Variants in ISM1 observed in about 807,000 individuals in gnomAD.
ISM1 encodes isthmin-1.
Under a neutral mutation model 46.3 loss-of-function variants are expected in ISM1, and 25 were observed. That is an observed-to-expected ratio of 0.54 (90% CI 0.39 to 0.75). The LOEUF (loss-of-function observed/expected upper bound fraction) is 0.75, where lower values mean the gene tolerates loss of function less well. Ranked by LOEUF, ISM1 falls within the 30% of genes least tolerant of loss-of-function variation. ISM1 has a pLI of 0.00. For missense variants in ISM1, 536 were observed against 625.4 expected (o/e 0.86, Z 1.52); for synonymous variants, 255 against 256.7 (o/e 0.99, Z 0.06).
At chr20:13,257,276 A>G (rs566775846) in intron 1 of ISM1, among the ~76,000 whole-genome samples, 1 of 152,286 alleles carries the variant, frequency 6.6e-6, no homozygotes, top group East Asian at 1.9e-4. Flanking sequence ...GCATTTTGGG[A>G]GACCAAAGTG....
At position 13,289,946 on chromosome 20, in the gene ISM1, A is replaced by G. The variant is rs371772573; in HGVS notation, c.787+1263A>G. ...ACCCCAGACTTCCTTTTTCTACCTT[A>G]GACACTCAGTTCTCCAACCAGAGAC... is the stretch of plus-strand genomic sequence containing the variant. On this transcript the variant is annotated intron_variant, in intron 4 of 5. Coordinates refer to ENST00000262487, the MANE Select transcript of ISM1 (RefSeq NM_080826.2). Among the ~76,000 whole-genome samples, 50 of 152,312 alleles carry G rather than the reference A, an allele frequency of 3.3e-4. 1 individual carries two copies. The East Asian group carries it at 8.5e-3, about 26-fold the overall frequency.
chr20:13,317,546 A>G, the ISM1 span, among the ~76,000 whole-genome samples: 10 of 152,122 alleles, frequency 6.6e-5, no homozygotes, highest in Non-Finnish European at 1.0e-4. Flanking sequence ...AAGACATAAT[A>G]TAAAGCTACA....
chr20:13,230,115 C>T (rs1350251958), intron 1 of ISM1, among the ~76,000 whole-genome samples: 1 of 152,170 alleles, frequency 6.6e-6, no homozygotes, highest in Non-Finnish European at 1.5e-5. Context: ...CCTCAGATGT[C>T]TATTCATTTG....
chr20:13,253,477 T>G (rs8116153), intron 1 of ISM1, among the ~76,000 whole-genome samples: 10,974 of 152,194 alleles, frequency 0.072, 499 homozygotes, highest in Middle Eastern at 0.14. Context: ...CATCTCCCAT[T>G]GCCAAAGTAC....
At chr20:13,228,793 T>A (rs776042526) in intron 1 of ISM1, among the ~76,000 whole-genome samples, 41 of 152,238 alleles carry the variant, frequency 2.7e-4, no homozygotes, top group Admixed American at 5.2e-4. Flanking sequence ...ACATTGAGAT[T>A]TCAAGATCTA....
chr20:13,299,628 G>C lies in ISM1; in HGVS notation c.*169G>C, dbSNP rs781456061. 91 of 688,552 alleles carry C rather than the reference G, an allele frequency of 1.3e-4. No individual in the cohort carries two copies. The highest frequency in any genetic ancestry group is 2.0e-4 in the Non-Finnish European group (84 of 430,152). 42.7% of individuals were successfully genotyped at this position (688,552 alleles called of 1,614,324 possible). ...CTAGGGGCGTGTGCCACGCCCAGGG[G>C]ACTGCCTTGTGAAGCCGCCCTCGCC... On this transcript the variant is annotated 3_prime_UTR_variant, in exon 6 of 6. Coordinates refer to ENST00000262487, the MANE Select transcript of ISM1 (RefSeq NM_080826.2). The surrounding 1 kb of genome is among the most constrained non-coding windows in gnomAD (Gnocchi z 5.8).
chr20:13,249,186 G>A (rs1380316172), intron 1 of ISM1, among the ~76,000 whole-genome samples: 4 of 152,142 alleles, frequency 2.6e-5, no homozygotes, highest in African/African-American at 7.2e-5. Context: ...CAAATCTCAC[G>A]GGAATCAGGG....
chr20:13,311,243 TGATAGATAGATA>T, the ISM1 span, among the ~76,000 whole-genome samples: 41 of 127,920 alleles, frequency 3.2e-4, no homozygotes, highest in Admixed American at 4.8e-4. Flanking sequence ...GATAGATAGA[TGATAGATAGATA>T]GATAGATAGA....
chr20:13,299,606 G>A lies in ISM1; in HGVS notation c.*147G>A. 2.5e-6 allele frequency: 2 copies of A among 803,334 alleles called. No individual in the cohort carries two copies. Among genetic ancestry groups the A allele is most frequent in the Non-Finnish European group, 3.9e-6 (2 of 519,040 alleles). The allele number at this position is 803,334 out of a possible 1,614,324, so 49.8% of individuals were successfully genotyped here. ...TGAGTATTTCTCATACATTACGCTA[G>A]GGGCGTGTGCCACGCCCAGGGGACT... On this transcript the variant is annotated 3_prime_UTR_variant, in exon 6 of 6. Coordinates refer to ENST00000262487, the MANE Select transcript of ISM1 (RefSeq NM_080826.2). This position sits in a 1 kb window ranked among gnomAD's most constrained non-coding sequence, Gnocchi z 5.8.
At chr20:13,308,899 T>A in the ISM1 span, among the ~76,000 whole-genome samples, 461 of 152,004 alleles carry the variant, frequency 3.0e-3, 4 homozygotes, top group Non-Finnish European at 4.9e-3. Context: ...CTTTCCACCA[T>A]GTAAGCACAA....
intron 1 of ISM1, among the ~76,000 whole-genome samples, chr20:13,226,595 C>G (rs1434885028): frequency 2.0e-5 from 3 of 152,170 alleles, no homozygotes; most frequent in Non-Finnish European, 4.4e-5. Flanking sequence ...ACTCATGTAG[C>G]TGTGGCCATC....
intron 1 of ISM1, among the ~76,000 whole-genome samples, chr20:13,247,765 C>T (rs968747845): frequency 6.6e-6 from 1 of 152,078 alleles, no homozygotes; most frequent in African/African-American, 2.4e-5. Flanking sequence ...TGACTTACAG[C>T]CCCTGAGGCT....
rs1348718194 is a variant in ISM1, at chr20:13,299,303, G to T, written c.1239G>T (p.Glu413Asp). Residue 413 changes from glutamate (E) to aspartate (D), a missense_variant, in exon 6 of 6, where the codon GAG (glutamate) becomes GAT (aspartate). Glu to Asp is a conservative substitution (Grantham distance 45). This residue lies in a region of ISM1 where 169 missense variants were observed against 249.3 expected (regional missense o/e 0.68). Coordinates refer to ENST00000262487, the MANE Select transcript of ISM1 (RefSeq NM_080826.2). This position sits in a 1 kb window ranked among gnomAD's most constrained non-coding sequence, Gnocchi z 5.8. ...PNLISTEFSA[E>D]LHYKVDVLPW... ...TCATCAGCACCGAGTTCTCCGCGGAGCTCCACTACAAGGTGGACGTCCTGC... is the reference window on the plus strand; with the variant it reads ...TCATCAGCACCGAGTTCTCCGCGGATCTCCACTACAAGGTGGACGTCCTGC... 6.2e-7 allele frequency: 1 copy of T among 1,613,656 alleles called. No homozygotes were observed. Among genetic ancestry groups the T allele is most frequent in the South Asian group, 1.1e-5 (1 of 91,046 alleles).
intron 5 of ISM1, among the ~76,000 whole-genome samples, chr20:13,293,207 CAAAAAAAAA>C (rs397865981): frequency 2.3e-5 from 2 of 87,450 alleles, no homozygotes; most frequent in Non-Finnish European, 4.8e-5. Flanking sequence ...GACTCCGTCT[CAAAAAAAAA>C]AAAAAAAAAG....
At chr20:13,263,819 T>A (rs1049704310) in intron 1 of ISM1, among the ~76,000 whole-genome samples, 1 of 152,222 alleles carries the variant, frequency 6.6e-6, no homozygotes. Flanking sequence ...ATATTGCTAA[T>A]TAACTATATT....
In ISM1 at chr20:13,236,616, C is replaced by T. The variant is rs151170002; in HGVS notation, c.138+14702C>T. ...TCTGAGACAAGGCAAGTACCTTCTG[C>T]CTATGAGCCTGTAAAATCAAAAGCA... is the stretch of plus-strand genomic sequence containing the variant. On this transcript the variant is annotated intron_variant, in intron 1 of 5. Transcript: ENST00000262487. Among the ~76,000 whole-genome samples, 3 of 152,270 alleles carry T rather than the reference C, an allele frequency of 2.0e-5. No individual in the cohort carries two copies. The East Asian group carries it at 5.8e-4, about 29-fold the overall frequency.
chr20:13,273,285 G>A (rs1025177996), intron 2 of ISM1, among the ~76,000 whole-genome samples: 5 of 137,150 alleles, frequency 3.6e-5, no homozygotes, highest in Non-Finnish European at 7.7e-5. Flanking sequence ...CCTATGCTAC[G>A]GTACAGTTGT....
chr20:13,279,721 C>G lies in ISM1; in HGVS notation c.466C>G (p.Pro156Ala), dbSNP rs2040217218. ...TAAGCCCAGCTGGTCAGTCCCATCCCCCGACTGGCGGGCCTGGTGGCAGAG... is the reference window on the plus strand; with the variant it reads ...TAAGCCCAGCTGGTCAGTCCCATCCGCCGACTGGCGGGCCTGGTGGCAGAG... ...ENKPSWSVPS[P>A]DWRAWWQRSL... Residue 156 changes from proline to alanine, a missense_variant, in exon 3 of 6, where the codon CCC (proline) becomes GCC (alanine). Around this residue, in one of 2 missense-constraint regions of ISM1, gnomAD observed 367 missense variants for 376.1 expected, o/e 0.98. Coordinates refer to ENST00000262487, the MANE Select transcript of ISM1 (RefSeq NM_080826.2). 3 of 1,613,902 alleles carry G rather than the reference C, an allele frequency of 1.9e-6. No homozygotes were observed. The African/African-American group carries it at 4.0e-5, about 22-fold the overall frequency.
At chr20:13,223,968 A>C (rs1224803565) in intron 1 of ISM1, among the ~76,000 whole-genome samples, 1 of 152,086 alleles carries the variant, frequency 6.6e-6, no homozygotes, top group Non-Finnish European at 1.5e-5. Context: ...CAGTAAGGTA[A>C]TGAGAGAAGC....
Sources: allele counts gnomAD v4.1 joint callset (sites outside exome capture counted in the v4.1 genomes callset), GRCh38; gene constraint gnomAD v4.1.1; regional missense constraint gnomAD v4.1.1; non-coding constraint Gnocchi (gnomAD v3.1); transcripts MANE v1.5; gene names NCBI Gene and HGNC (gene_info 2026-07-23, HGNC 2026-07-21).